AJAP1: variants seen among roughly 807,000 people sequenced by gnomAD.
The protein encoded by AJAP1 is adherens junctions associated protein 1, also known as adherens junction-associated protein 1.
Under a neutral mutation model 35.0 loss-of-function variants are expected in AJAP1, and 5 were observed. The observed-to-expected ratio is 0.14, with a 90% CI of 0.07 to 0.30. The LOEUF is 0.30. Ranked by LOEUF, AJAP1 falls within the 10% of genes least tolerant of loss-of-function variation. The probability of loss-of-function intolerance (pLI) is 1.00; values close to 1 mark genes in which losing one functional copy is unlikely to be tolerated. For synonymous variants in AJAP1, 284 were observed against 249.3 expected (o/e 1.14, Z -1.31); for missense variants, 586 against 571.0 (o/e 1.03, Z -0.27).
chr1:4,785,659 C>A lies in AJAP1; in HGVS notation c.*3174C>A, dbSNP rs1212176507. The stretch of plus-strand genomic sequence containing the variant: ...CTTCTGCAGCCTTGGGGCAGTGTTT[C>A]AAGCTAGTTGGTGTCCTCTTTCCTC... On this transcript the variant is annotated 3_prime_UTR_variant, in exon 6 of 6. Coordinates refer to ENST00000378191, the MANE Select transcript of AJAP1 (RefSeq NM_018836.4). The A allele has an allele frequency of 6.6e-6, 1 of 152,190 alleles. No homozygotes were observed. Among genetic ancestry groups the A allele is most frequent in the Admixed American group, 6.5e-5 (1 of 15,282 alleles). The allele number at this position is 152,190 out of a possible 1,614,324, so 9.4% of individuals were successfully genotyped here. A position where few individuals can be genotyped will look rare whatever the true frequency, so the allele number is the denominator to read the frequency against.
At chr1:4,684,810 T>C (rs903572851) in intron 1 of AJAP1, among the ~76,000 whole-genome samples, 5 of 152,110 alleles carry the variant, frequency 3.3e-5, no homozygotes, top group African/African-American at 7.2e-5. Context: ...TCCATTCAAC[T>C]TGCCTCACCT....
At chr1:4,742,121 A>G (rs887960931) in intron 2 of AJAP1, among the ~76,000 whole-genome samples, 2 of 152,202 alleles carry the variant, frequency 1.3e-5, no homozygotes, top group African/African-American at 4.8e-5. Context: ...TTGGATGGCA[A>G]ATGGGACATT....
chr1:4,716,074 A>G (rs936993610), intron 2 of AJAP1, among the ~76,000 whole-genome samples: 2 of 152,248 alleles, frequency 1.3e-5, no homozygotes, highest in African/African-American at 2.4e-5. Context: ...GGGACATATC[A>G]TATTTTTCTA....
At chr1:4,730,661 G>A (rs1640776744) in intron 2 of AJAP1, among the ~76,000 whole-genome samples, 1 of 152,186 alleles carries the variant, frequency 6.6e-6, no homozygotes, top group Non-Finnish European at 1.5e-5. Context: ...CCAGAAGCCT[G>A]GGGAAAGGAC....
At position 4,692,671 on chromosome 1, in the gene AJAP1, T is replaced by C. The variant is rs913631142; in HGVS notation, c.30-19229T>C. Reference sequence around the variant, plus strand: ...GTCCCGGGTCAACTCCTACTTGGCATTGGAGACCCATCACTTCCTCCAAGC... The same window carrying C: ...GTCCCGGGTCAACTCCTACTTGGCACTGGAGACCCATCACTTCCTCCAAGC... On this transcript the variant is annotated intron_variant, in intron 1 of 5. Coordinates refer to ENST00000378191, the MANE Select transcript of AJAP1 (RefSeq NM_018836.4). The surrounding 1 kb of genome is among the most constrained non-coding windows in gnomAD (Gnocchi z 4.4). 6.6e-6 allele frequency among the ~76,000 whole-genome samples: 1 copy of C among 152,204 alleles called. No homozygotes were observed. Among genetic ancestry groups the C allele is most frequent in the African/African-American group, 2.4e-5 (1 of 41,452 alleles).
At chr1:4,774,295 C>A in intron 4 of AJAP1, 132 bp from the exon 5 acceptor site, 2 of 776,986 alleles carry the variant, frequency 2.6e-6, no homozygotes, top group East Asian at 2.5e-5. Flanking sequence ...CCCTTCCTGG[C>A]AAGGCCAGGA....
chr1:4,730,891 C>CT (rs940002404), intron 2 of AJAP1, among the ~76,000 whole-genome samples: 1 of 152,178 alleles, frequency 6.6e-6, no homozygotes, highest in Admixed American at 6.5e-5. Context: ...CAAACTCTGC[C>CT]TGCAGCCCTT....
rs535528231 is a variant in AJAP1 at position 4,689,546 on chromosome 1, G to C, written c.30-22354G>C. On this transcript the variant is annotated intron_variant, in intron 1 of 5. Coordinates refer to ENST00000378191, the MANE Select transcript of AJAP1 (RefSeq NM_018836.4). ...TGGCTGGAAGTGGTGGCAGGTGAAG[G>C]CCAGACAAGGTGCAGGATGGGGGTG... 8.5e-5 allele frequency among the ~76,000 whole-genome samples: 13 copies of C among 152,302 alleles called. No homozygotes were observed. The South Asian group carries it at 2.5e-3, about 29-fold the overall frequency.
intron 5 of AJAP1, among the ~76,000 whole-genome samples, chr1:4,774,795 C>A (rs368082484): frequency 2.6e-5 from 4 of 152,076 alleles, no homozygotes; most frequent in African/African-American, 9.7e-5. Flanking sequence ...CATTCATGCA[C>A]CCTGATTCCA....
chr1:4,666,409 A>G (rs1006769461), intron 1 of AJAP1, among the ~76,000 whole-genome samples: 1 of 152,180 alleles, frequency 6.6e-6, no homozygotes, highest in Non-Finnish European at 1.5e-5. Flanking sequence ...CCAGGGTCCC[A>G]GGGAAAGTGT....
chr1:4,772,302 C>G lies in AJAP1; in HGVS notation c.940C>G (p.Arg314Gly), dbSNP rs200176473. 6.2e-7 allele frequency: 1 copy of G among 1,614,110 alleles called. No homozygotes were observed. The highest frequency in any genetic ancestry group is 1.6e-4 in the Middle Eastern group (1 of 6,062). ...CAGCTGTGCCCAAAGCGGGAACACT[C>G]GTCGGAACAGCCACCAGCGGAAGAC... ...KNCCAQSGNT[R>G]RNSHQRKTNQ... Residue 314 changes from arginine to glycine, a missense_variant, in exon 4 of 6, where the codon CGT (arginine) becomes GGT (glycine). Coordinates refer to ENST00000378191, the MANE Select transcript of AJAP1 (RefSeq NM_018836.4).
intron 2 of AJAP1, among the ~76,000 whole-genome samples, chr1:4,730,529 G>A (rs2100297911): frequency 6.6e-6 from 1 of 152,324 alleles, no homozygotes; most frequent in Non-Finnish European, 1.5e-5. Context: ...GCTGTTGCGT[G>A]TGTGATTGAT....
rs1243987183 is a variant in AJAP1, at chr1:4,693,951, C to T, written c.30-17949C>T. Among the ~76,000 whole-genome samples the T allele has an allele frequency of 6.6e-6, 1 of 152,244 alleles. No homozygotes were observed. The highest frequency in any genetic ancestry group is 2.4e-5 in the African/African-American group (1 of 41,468). On this transcript the variant is annotated intron_variant, in intron 1 of 5. Transcript: ENST00000378191. The surrounding 1 kb of genome is among the most constrained non-coding windows in gnomAD (Gnocchi z 4.4). Reference sequence around the variant, plus strand: ...AGGGATTACATTTCCACAGAAGCTTCTGGGGACACTCCAGCCCACTGCAGT... The same window carrying T: ...AGGGATTACATTTCCACAGAAGCTTTTGGGGACACTCCAGCCCACTGCAGT...
chr1:4,682,832 T>TTGGTGGTGGTGATGA (rs1553155112), intron 1 of AJAP1, among the ~76,000 whole-genome samples: 3,029 of 149,842 alleles, frequency 0.02, 155 homozygotes, highest in African/African-American at 0.073. Context: ...ACTGGTGGTG[T>TTGGTGGTGGTGATGA]TGGTGATGGT....
chr1:4,728,205 A>G (rs1320073755), intron 2 of AJAP1, among the ~76,000 whole-genome samples: 1 of 152,180 alleles, frequency 6.6e-6, no homozygotes, highest in East Asian at 1.9e-4. Context: ...GCACAGGGAA[A>G]TGAGGGTCGT....
At chr1:4,746,433 C>T (rs373841025) in intron 2 of AJAP1, among the ~76,000 whole-genome samples, 31 of 152,154 alleles carry the variant, frequency 2.0e-4, no homozygotes, top group African/African-American at 7.0e-4. Flanking sequence ...GAGGGAGCAC[C>T]GTTCAACCCG....
chr1:4,697,059 T>G (rs1394470641), intron 1 of AJAP1, among the ~76,000 whole-genome samples: 3 of 152,112 alleles, frequency 2.0e-5, no homozygotes, highest in Non-Finnish European at 4.4e-5. Context: ...TGTGTGTATG[T>G]TAGTTTGTGC....
chr1:4,717,083 C>CA (rs1164875989), intron 2 of AJAP1, among the ~76,000 whole-genome samples: 1 of 152,214 alleles, frequency 6.6e-6, no homozygotes, highest in African/African-American at 2.4e-5. Context: ...CCTTCTATGA[C>CA]AGCTCTCTTG....
At chr1:4,672,261 T>G (rs951069114) in intron 1 of AJAP1, among the ~76,000 whole-genome samples, 1 of 152,058 alleles carries the variant, frequency 6.6e-6, no homozygotes, top group Non-Finnish European at 1.5e-5. Context: ...CACTGCACCA[T>G]GAAGGAGCGC....
Sources: allele counts gnomAD v4.1 joint callset (sites outside exome capture counted in the v4.1 genomes callset), GRCh38; gene constraint gnomAD v4.1.1; non-coding constraint Gnocchi (gnomAD v3.1); transcripts MANE v1.5; gene names NCBI Gene and HGNC (gene_info 2026-07-23, HGNC 2026-07-21).